Variants in DNAJC14 observed in about 807,000 individuals in gnomAD.
DNAJC14 encodes the protein dnaJ homolog subfamily C member 14.
In DNAJC14, 12 loss-of-function variants were observed where a neutral mutation model predicts 68.8. That is an observed-to-expected ratio of 0.17 (90% CI 0.11 to 0.28). The LOEUF (loss-of-function observed/expected upper bound fraction) is 0.28, where lower values mean the gene tolerates loss of function less well. Among genes scored for constraint, DNAJC14 ranks in the 10% least tolerant of loss-of-function variants. DNAJC14 has a pLI of 1.00. For synonymous variants in DNAJC14, 350 were observed against 321.5 expected, an observed-to-expected ratio of 1.09 and a Z score of -0.95; for missense variants, 764 against 875.6, an observed-to-expected ratio of 0.87 and a Z score of 1.61.
At position 55,823,480 on chromosome 12, in the gene DNAJC14, C is replaced by A. The variant is rs779241064; in HGVS notation, c.1436G>T (p.Arg479Leu). 6 of 1,613,950 alleles carry A rather than the reference C, an allele frequency of 3.7e-6. No individual in the cohort carries two copies. The highest frequency in any genetic ancestry group is 4.2e-6 in the Non-Finnish European group (5 of 1,180,032). ...CAAAACCTTGAAGGCCTCCTCAGCC[C>A]GGGGATGATGATTTTTGTCAGGATG... Reference protein sequence around the residue: ...MVHPDKNHHPRAEEAFKVLRA... With the variant: ...MVHPDKNHHPLAEEAFKVLRA... Residue 479 changes from arginine to leucine, a missense_variant, in exon 3 of 7, where the codon CGG (arginine) becomes CTG (leucine). Physicochemically the swap from Arg to Leu is moderately radical, Grantham distance 102 (BLOSUM62 -2). This residue lies in a region of DNAJC14 where 110 missense variants were observed against 162.7 expected (regional missense o/e 0.68). Coordinates refer to ENST00000678005, the MANE Select transcript of DNAJC14 (RefSeq NM_032364.6).
Position 55,825,668 on chromosome 12 carries a change from C to T in DNAJC14, c.1407+1584G>A, listed in dbSNP as rs189283709. ...ACACCATTCTCCTGCCTCAGCCTCC[C>T]GAGTAGCTGGGACTACAGGCGCCCG... On this transcript the variant is annotated intron_variant, in intron 2 of 6. Transcript: ENST00000678005. 5.2e-3 allele frequency among the ~76,000 whole-genome samples: 788 copies of T among 151,772 alleles called. 5 individuals carry two copies. The highest frequency in any genetic ancestry group is 7.8e-3 in the Non-Finnish European group (527 of 67,936).
chr12:55,826,558 T>C (rs999230585), intron 2 of DNAJC14, among the ~76,000 whole-genome samples: 3 of 152,094 alleles, frequency 2.0e-5, no homozygotes, highest in Non-Finnish European at 4.4e-5. Flanking sequence ...TCCCAGCACT[T>C]TGGGAGACTG....
At position 55,822,663 on chromosome 12, in the gene DNAJC14, A is replaced by G. The variant is rs1239054008; in HGVS notation, c.1704T>C (p.Ala568=). 4.3e-6 allele frequency: 7 copies of G among 1,614,176 alleles called. No individual in the cohort carries two copies. Among genetic ancestry groups the G allele is most frequent in the African/African-American group, 2.7e-5 (2 of 75,028 alleles). The change falls in exon 5 of 7, where the codon GCT becomes GCC. Residue 568 remains alanine (A), a synonymous_variant. Coordinates refer to ENST00000678005, the MANE Select transcript of DNAJC14 (RefSeq NM_032364.6). The part of the protein sequence containing the change: ...YCAECNRLHP[A]EEGDFWAESS... Reference sequence around the variant, plus strand: ...ACTCTGCCCAAAAGTCTCCTTCCTCAGCAGGATGCAGCCTATTACACTCAG... The same window carrying G: ...ACTCTGCCCAAAAGTCTCCTTCCTCGGCAGGATGCAGCCTATTACACTCAG...
rs1232965735 is a variant in DNAJC14, at chr12:55,823,232, G to C, written c.1515-43C>G. 14 of 1,613,272 alleles carry C rather than the reference G, an allele frequency of 8.7e-6. No homozygotes were observed. The Admixed American group carries it at 2.3e-4, about 27-fold the overall frequency. ...TTGTAAGTCAGAAGGTATTGAGGGA[G>C]GGACAAAGGAAGACATATCAGTTGG... is the stretch of plus-strand genomic sequence containing the variant. On this transcript the variant is annotated intron_variant, in intron 3 of 6. Transcript: ENST00000678005.
Position 55,822,173 on chromosome 12 carries a change from G to A in DNAJC14, c.1913C>T (p.Ala638Val). The A allele has an allele frequency of 6.3e-7, 1 of 1,597,118 alleles. No individual in the cohort carries two copies. The highest frequency in any genetic ancestry group is 8.5e-7 in the Non-Finnish European group (1 of 1,171,768). The part of the protein sequence containing the change: ...TRGRQRATPD[A>V]PPADLQDFLS... The stretch of plus-strand genomic sequence containing the variant: ...GAAATCCTGAAGATCAGCAGGAGGG[G>A]CATCTGGGGTGGCTCTGAGGTAAAA... Residue 638 changes from alanine to valine, a missense_variant, in exon 7 of 7, where the codon GCC (alanine) becomes GTC (valine). Physicochemically the swap from Ala to Val is moderately conservative, Grantham distance 64. Coordinates refer to ENST00000678005, the MANE Select transcript of DNAJC14 (RefSeq NM_032364.6).
chr12:55,827,613 A>T lies in DNAJC14; in HGVS notation c.1046T>A (p.Leu349Gln). Residue 349 changes from leucine (L) to glutamine (Q), a missense_variant, in exon 2 of 7, where the codon CTG becomes CAG. This residue lies in a region of DNAJC14 where 514 missense variants were observed against 521.7 expected (regional missense o/e 0.99). Coordinates refer to ENST00000678005, the MANE Select transcript of DNAJC14 (RefSeq NM_032364.6). ...LGFLQLGWRF[L>Q]VGLGDRLGWR... ...GCCTAACCGGTCACCTAGTCCCACC[A>T]GAAACCGCCATCCCAACTGTAGAAA... 6.2e-7 allele frequency: 1 copy of T among 1,609,836 alleles called. No homozygotes were observed. The highest frequency in any genetic ancestry group is 8.5e-7 in the Non-Finnish European group (1 of 1,177,362).
Position 55,827,930 on chromosome 12 carries a change from T to A in DNAJC14, c.729A>T (p.Glu243Asp). The A allele has an allele frequency of 6.2e-7, 1 of 1,606,852 alleles. No individual in the cohort carries two copies. Among genetic ancestry groups the A allele is most frequent in the African/African-American group, 1.3e-5 (1 of 74,900 alleles). The change falls in exon 2 of 7, where the codon GAA (glutamate) becomes GAT (aspartate). Residue 243 changes from glutamate to aspartate, a missense_variant. By Grantham distance (45) the Glu-to-Asp change is conservative. Coordinates refer to ENST00000678005, the MANE Select transcript of DNAJC14 (RefSeq NM_032364.6). ...AGCCTGCCTGTCCAAGTTGACATAG[T>A]TCCTCGGCTCCCCACAATCCCAGGC... ...RKGLGLWGAE[E>D]LCQLGQAGFW...
chr12:55,822,721 A>G lies in DNAJC14; in HGVS notation c.1646T>C (p.Met549Thr), dbSNP rs1189133441. 1.2e-6 allele frequency: 2 copies of G among 1,614,084 alleles called. No individual in the cohort carries two copies. The highest frequency in any genetic ancestry group is 2.2e-5 in the East Asian group (1 of 44,880). The stretch of plus-strand genomic sequence containing the variant: ...TCTGGCACTCTTAGGTTCCCGGTCC[A>G]TTTCAAACCTCCTGCAACCAACAAA... The part of the protein sequence containing the change: ...RCQGKHRRFE[M>T]DREPKSARYC... Residue 549 changes from methionine to threonine, a missense_variant, in exon 5 of 7, where the codon ATG becomes ACG. Met to Thr is a moderately conservative substitution (Grantham distance 81). Transcript: ENST00000678005.
chr12:55,828,467 G>A lies in DNAJC14; in HGVS notation c.192C>T (p.His64=), dbSNP rs1043384284. ...TEHSGPKHTQ[H]PNPAHWLDPS... ...GGTCCAACCAATGGGCTGGGTTTGG[G>A]TGCTGTGTGTGCTTAGGACCAGAGT... The change falls in exon 2 of 7, where the codon CAC becomes CAT. Residue 64 remains histidine (H), a synonymous_variant. Coordinates refer to ENST00000678005, the MANE Select transcript of DNAJC14 (RefSeq NM_032364.6). 1.2e-6 allele frequency: 2 copies of A among 1,614,056 alleles called. No homozygotes were observed. Among genetic ancestry groups the A allele is most frequent in the African/African-American group, 2.7e-5 (2 of 74,906 alleles).
At position 55,822,184 on chromosome 12, in the gene DNAJC14, G is replaced by A. The variant is rs564729192; in HGVS notation, c.1902C>T (p.Ala634=). 5.7e-6 allele frequency: 9 copies of A among 1,587,464 alleles called. No individual in the cohort carries two copies. In the South Asian group the frequency reaches 6.9e-5, roughly 12 times the overall value. ...GATCAGCAGGAGGGGCATCTGGGGT[G>A]GCTCTGAGGTAAAACAGAAGAAATA... ...RIPGTRGRQR[A]TPDAPPADLQ... The change falls in exon 7 of 7, where the codon GCC becomes GCT. Residue 634 remains alanine (A), a synonymous_variant. Transcript: ENST00000678005.
rs951857633 is a variant in DNAJC14, at chr12:55,829,581, A to T, written c.-149T>A. 1 of 985,022 alleles carries T rather than the reference A, an allele frequency of 1.0e-6. No homozygotes were observed. Among genetic ancestry groups the T allele is most frequent in the African/African-American group, 1.8e-5 (1 of 57,104 alleles). The allele number at this position is 985,022 out of a possible 1,614,324, so 61.0% of individuals were successfully genotyped here. A position where few individuals can be genotyped will look rare whatever the true frequency, so the allele number is the denominator to read the frequency against. ...GCTCTCCCGGCTCCGCCTCCCGCTCACGCTCTGCTTCCGCCTTCCGTCCCC... is the reference window on the plus strand; with the variant it reads ...GCTCTCCCGGCTCCGCCTCCCGCTCTCGCTCTGCTTCCGCCTTCCGTCCCC... On this transcript the variant is annotated 5_prime_UTR_variant, in exon 1 of 7. Coordinates refer to ENST00000678005, the MANE Select transcript of DNAJC14 (RefSeq NM_032364.6).
In DNAJC14 at chr12:55,823,410, C is replaced by T. The variant is rs541345798; in HGVS notation, c.1506G>A (p.Glu502=). The change falls in exon 3 of 7, where the codon GAG becomes GAA. Residue 502 remains glutamate, a synonymous_variant. Transcript: ENST00000678005. ...TCCCATCTCCAACTTACATCTCATA[C>T]TCCTTTCGCTTTTCAGCATTGCTGA... is the stretch of plus-strand genomic sequence containing the variant. ...DIVSNAEKRK[E]YEMKRMAENE... 17 of 1,614,196 alleles carry T rather than the reference C, an allele frequency of 1.1e-5. No homozygotes were observed. The South Asian group carries it at 1.4e-4, about 14-fold the overall frequency.
intron 2 of DNAJC14, among the ~76,000 whole-genome samples, chr12:55,825,945 C>A (rs1880784006): frequency 6.6e-6 from 1 of 152,164 alleles, no homozygotes. Flanking sequence ...AGTTGCTGAT[C>A]TTGAAACAGC....
chr12:55,823,671 T>G (rs1880726348), intron 2 of DNAJC14, among the ~76,000 whole-genome samples, 163 bp from the exon 3 acceptor site: 1 of 151,986 alleles, frequency 6.6e-6, no homozygotes. Context: ...TTCATGGCTC[T>G]GTTATAATTA....
chr12:55,828,120 G>A lies in DNAJC14; in HGVS notation c.539C>T (p.Pro180Leu). 1.9e-6 allele frequency: 3 copies of A among 1,606,068 alleles called. No individual in the cohort carries two copies. The highest frequency in any genetic ancestry group is 2.6e-6 in the Non-Finnish European group (3 of 1,175,718). The change falls in exon 2 of 7, where the codon CCC becomes CTC. Residue 180 changes from proline to leucine, a missense_variant. Transcript: ENST00000678005. The part of the protein sequence containing the change: ...EYDDEESLKF[P>L]SDFSRVSSGK... The stretch of plus-strand genomic sequence containing the variant: ...GCTGGACACACGTGAAAAATCACTG[G>A]GGAACTTGAGAGATTCTTCATCATC...
Position 55,828,144 on chromosome 12 carries a change from T to C in DNAJC14, c.515A>G (p.Asp172Gly). Reference sequence around the variant, plus strand: ...GGGGAACTTGAGAGATTCTTCATCATCATATTCCTCTTCCAACTCATCTTC... The same window carrying C: ...GGGGAACTTGAGAGATTCTTCATCACCATATTCCTCTTCCAACTCATCTTC... ...LGEDELEEEY[D>G]DEESLKFPSD... Residue 172 changes from aspartate (D) to glycine (G), a missense_variant, in exon 2 of 7, where the codon GAT becomes GGT. Around this residue, in one of 4 missense-constraint regions of DNAJC14, gnomAD observed 514 missense variants for 521.7 expected, o/e 0.99. Transcript: ENST00000678005. 6.2e-7 allele frequency: 1 copy of C among 1,610,710 alleles called. No individual in the cohort carries two copies. The highest frequency in any genetic ancestry group is 8.5e-7 in the Non-Finnish European group (1 of 1,178,532).
chr12:55,830,523 C>A (rs1880952731), upstream of DNAJC14: 1 of 152,196 alleles, frequency 6.6e-6, no homozygotes, highest in African/African-American at 2.4e-5. Context: ...CGATCCCGAC[C>A]ACCCGGTTCT....
In DNAJC14 at chr12:55,827,627, C is replaced by A. The variant is rs1880833223; in HGVS notation, c.1032G>T (p.Leu344Phe). Residue 344 changes from leucine to phenylalanine, a missense_variant, in exon 2 of 7, where the codon TTG (leucine) becomes TTT (phenylalanine). Physicochemically the swap from Leu to Phe is conservative, Grantham distance 22. This residue lies in a region of DNAJC14 where 514 missense variants were observed against 521.7 expected (regional missense o/e 0.99). Transcript: ENST00000678005. ...ALALFLGFLQ[L>F]GWRFLVGLGD... The stretch of plus-strand genomic sequence containing the variant: ...CTAGTCCCACCAGAAACCGCCATCC[C>A]AACTGTAGAAAGCCCAAAAAGAGGG... 6.2e-7 allele frequency: 1 copy of A among 1,611,154 alleles called. No homozygotes were observed.
At position 55,821,831 on chromosome 12, in the gene DNAJC14, G is replaced by C; in HGVS notation, c.*146C>G. Reference sequence around the variant, plus strand: ...GAGATCACACCACTGCACTCCAGCTGGGCAACAGAGCAAGACTCCATCTCA... The same window carrying C: ...GAGATCACACCACTGCACTCCAGCTCGGCAACAGAGCAAGACTCCATCTCA... On this transcript the variant is annotated 3_prime_UTR_variant, in exon 7 of 7. Transcript: ENST00000678005. The C allele has an allele frequency of 2.5e-5, 22 of 869,568 alleles. No individual in the cohort carries two copies. The highest frequency in any genetic ancestry group is 3.4e-5 in the Non-Finnish European group (20 of 593,862). 53.9% of individuals were successfully genotyped at this position (869,568 alleles called of 1,614,324 possible). A position where few individuals can be genotyped will look rare whatever the true frequency, so the allele number is the denominator to read the frequency against.
Sources: allele counts gnomAD v4.1 joint callset (sites outside exome capture counted in the v4.1 genomes callset), GRCh38; gene constraint gnomAD v4.1.1; regional missense constraint gnomAD v4.1.1; transcripts MANE v1.5; gene names NCBI Gene and HGNC (gene_info 2026-07-23, HGNC 2026-07-21).